The following KIAA1217 variants were observed in gnomAD, a reference collection of about 807,000 sequenced individuals.
The protein encoded by KIAA1217 is sickle tail protein homolog.
A neutral mutation model predicts 163.9 loss-of-function variants in KIAA1217; 88 were observed. The ratio of observed to expected loss-of-function variants is 0.54; its 90% CI spans 0.45 to 0.64. The LOEUF is 0.64. Ranked by LOEUF, KIAA1217 falls within the 30% of genes least tolerant of loss-of-function variation. The probability of loss-of-function intolerance (pLI) is 0.00; values close to 1 mark genes in which losing one functional copy is unlikely to be tolerated. For synonymous variants in KIAA1217, 903 were observed against 923.1 expected (o/e 0.98, Z 0.39); for missense variants, 2,372 against 2,475.0 (o/e 0.96, Z 0.88).
chr10:24,227,610 G>A (rs989153147), intron 2 of KIAA1217, among the ~76,000 whole-genome samples: 1 of 151,166 alleles, frequency 6.6e-6, no homozygotes, highest in African/African-American at 2.4e-5. Flanking sequence ...TTGGCTCACT[G>A]CAAGCTCTGC....
chr10:23,901,913 CA>C (rs71397922), intron 1 of KIAA1217, among the ~76,000 whole-genome samples: 6,926 of 98,524 alleles, frequency 0.07, 240 homozygotes, highest in African/African-American at 0.15. Context: ...GACTCTATCT[CA>C]AAAAAAAAAA....
chr10:24,052,000 T>G (rs1849550648), intron 2 of KIAA1217, among the ~76,000 whole-genome samples: 1 of 152,192 alleles, frequency 6.6e-6, no homozygotes, highest in African/African-American at 2.4e-5. Flanking sequence ...GCATTTACTT[T>G]TTGATTCTTG....
intron 1 of KIAA1217, among the ~76,000 whole-genome samples, chr10:23,876,709 C>T (rs766017916): frequency 6.6e-6 from 1 of 151,908 alleles, no homozygotes; most frequent in Non-Finnish European, 1.5e-5. Flanking sequence ...GAAAAGCCAT[C>T]TTGCAGCAGT....
chr10:23,970,378 T>C (rs1187095571), intron 1 of KIAA1217, among the ~76,000 whole-genome samples: 1 of 152,154 alleles, frequency 6.6e-6, no homozygotes, highest in Non-Finnish European at 1.5e-5. Flanking sequence ...AGGAAGTAAG[T>C]CAGGCACAGA....
At chr10:24,290,996 T>C (rs954845296) in intron 2 of KIAA1217, among the ~76,000 whole-genome samples, 1 of 152,186 alleles carries the variant, frequency 6.6e-6, no homozygotes, top group South Asian at 2.1e-4. Flanking sequence ...TTTTCAAAGT[T>C]TGTTTTTCCT....
Position 23,747,184 on chromosome 10 carries a change from C to T in KIAA1217, c.-321+51950C>T, listed in dbSNP as rs571657287. On this transcript the variant is annotated intron_variant, in intron 1 of 18. Transcript: ENST00000376462. ...GGCAAAGAAAAATACCTCTTTGAAT[C>T]TCTGGAGAGGAAACTAGCTAGAAAC... Among the ~76,000 whole-genome samples the T allele has an allele frequency of 2.0e-4, 31 of 152,174 alleles. No homozygotes were observed. The South Asian group carries it at 3.7e-3, about 18-fold the overall frequency.
intron 2 of KIAA1217, among the ~76,000 whole-genome samples, chr10:24,341,183 G>A (rs1348383020): frequency 6.6e-6 from 1 of 152,118 alleles, no homozygotes; most frequent in Admixed American, 6.5e-5. Flanking sequence ...GGCTGAAGTT[G>A]GACTCAGTGC....
intron 5 of KIAA1217, among the ~76,000 whole-genome samples, chr10:24,450,945 G>A (rs1384936928): frequency 2.6e-5 from 4 of 152,140 alleles, no homozygotes; most frequent in Admixed American, 6.6e-5. Context: ...TAATGTTTAC[G>A]TGGCTTCAGG....
At chr10:23,871,588 T>G (rs1197760981) in intron 1 of KIAA1217, among the ~76,000 whole-genome samples, 2 of 151,922 alleles carry the variant, frequency 1.3e-5, no homozygotes, top group Non-Finnish European at 2.9e-5. Flanking sequence ...ACTCTGTCAC[T>G]TCTTCTAAAT....
intron 1 of KIAA1217, among the ~76,000 whole-genome samples, chr10:23,738,505 C>A (rs1229781712): frequency 6.6e-6 from 1 of 152,184 alleles, no homozygotes; most frequent in East Asian, 1.9e-4. Flanking sequence ...TGCGTGCCTG[C>A]TGATTTTATT....
intron 8 of KIAA1217, among the ~76,000 whole-genome samples, chr10:24,495,929 G>A (rs984196990): frequency 2.0e-5 from 3 of 152,182 alleles, no homozygotes; most frequent in African/African-American, 4.8e-5. Flanking sequence ...TAGTAGTGGC[G>A]TTCACTAGTA....
chr10:24,165,790 A>G (rs1195423737), intron 2 of KIAA1217, among the ~76,000 whole-genome samples: 2 of 152,232 alleles, frequency 1.3e-5, no homozygotes, highest in African/African-American at 4.8e-5. Flanking sequence ...CATGTTTTCA[A>G]CACTGAGTTC....
intron 2 of KIAA1217, among the ~76,000 whole-genome samples, chr10:24,326,753 A>C (rs531854589): frequency 6.6e-6 from 1 of 152,100 alleles, no homozygotes; most frequent in African/African-American, 2.4e-5. Context: ...ATGGAACTTT[A>C]ATTGCCTTTG....
chr10:23,991,852 T>G (rs760947614), intron 1 of KIAA1217, among the ~76,000 whole-genome samples: 1 of 152,116 alleles, frequency 6.6e-6, no homozygotes, highest in Non-Finnish European at 1.5e-5. Context: ...GGGGGATTCA[T>G]GATAGGAAGT....
intron 5 of KIAA1217, among the ~76,000 whole-genome samples, chr10:24,440,701 C>T (rs2060427197): frequency 6.6e-6 from 1 of 152,196 alleles, no homozygotes; most frequent in Admixed American, 6.5e-5. Flanking sequence ...CTACTTTAAG[C>T]CCTCATTTTG....
chr10:23,915,590 G>C lies in KIAA1217; in HGVS notation c.-320-91635G>C, dbSNP rs541531939. On this transcript the variant is annotated intron_variant, in intron 1 of 18. Transcript: ENST00000376462. Reference sequence around the variant, plus strand: ...GTACCAAGATACCATGTGCATGCTAGGGAAAGATGGGTAAGGGTATATAGA... The same window carrying C: ...GTACCAAGATACCATGTGCATGCTACGGAAAGATGGGTAAGGGTATATAGA... Among the ~76,000 whole-genome samples, 4 of 152,124 alleles carry C rather than the reference G, an allele frequency of 2.6e-5. No homozygotes were observed. In the East Asian group the frequency reaches 5.8e-4, roughly 22 times the overall value.
At chr10:24,421,100 G>A (rs1191445223) in intron 3 of KIAA1217, among the ~76,000 whole-genome samples, 1 of 152,132 alleles carries the variant, frequency 6.6e-6, no homozygotes, top group Non-Finnish European at 1.5e-5. Context: ...ATGCCTCCTG[G>A]GTTTAAGCAA....
chr10:23,812,026 A>C lies in KIAA1217; in HGVS notation c.-321+116792A>C, dbSNP rs535292878. ...CTTGAGCCCAGGAAGTTGAGGCTGC[A>C]GTGAGCTGTGTTTGTGTCACTGCAC... On this transcript the variant is annotated intron_variant, in intron 1 of 18. Coordinates refer to the KIAA1217 transcript ENST00000376462. 2.0e-5 allele frequency among the ~76,000 whole-genome samples: 3 copies of C among 152,246 alleles called. No homozygotes were observed. The South Asian group carries it at 6.2e-4, about 32-fold the overall frequency.
At chr10:24,081,111 T>C (rs749751764) in intron 2 of KIAA1217, among the ~76,000 whole-genome samples, 2 of 152,210 alleles carry the variant, frequency 1.3e-5, no homozygotes, top group Non-Finnish European at 2.9e-5. Flanking sequence ...TGTTTGATAA[T>C]GCTGTGATTT....
Sources: allele counts gnomAD v4.1 joint callset (sites outside exome capture counted in the v4.1 genomes callset), GRCh38; gene constraint gnomAD v4.1.1; transcripts MANE v1.5; gene names NCBI Gene and HGNC (gene_info 2026-07-23, HGNC 2026-07-21).